Variants in JMJD1C observed in about 807,000 individuals in gnomAD.
JMJD1C encodes jumonji domain containing 1C.
A neutral mutation model predicts 245.3 loss-of-function variants in JMJD1C; 31 were observed. The observed-to-expected ratio is 0.13, with a 90% CI of 0.09 to 0.17. The LOEUF (loss-of-function observed/expected upper bound fraction) is 0.17, where lower values mean the gene tolerates loss of function less well. Ranked by LOEUF, JMJD1C falls within the 10% of genes least tolerant of loss-of-function variation. The pLI is 1.00. For missense variants in JMJD1C, 2,691 were observed against 3,000.2 expected (o/e 0.90, Z 2.41); for synonymous variants, 1,057 against 1,017.4 (o/e 1.04, Z -0.74).
At chr10:63,295,959 ATGTGTGTGTGTGTG>A (rs370590868) in intron 2 of JMJD1C, among the ~76,000 whole-genome samples, 8,481 of 89,574 alleles carry the variant, frequency 0.095, 783 homozygotes, top group Middle Eastern at 0.13. Flanking sequence ...ATACACGTAT[ATGTGTGTGTGTGTG>A]TGTGTGTGTG....
intron 2 of JMJD1C, among the ~76,000 whole-genome samples, chr10:63,338,668 G>A (rs532874315): frequency 1.4e-4 from 11 of 78,902 alleles, no homozygotes; most frequent in South Asian, 7.6e-4. Context: ...TTTTTTTTGA[G>A]ATAGAGTTTC....
At chr10:63,431,392 T>C (rs752712385) in intron 1 of JMJD1C, among the ~76,000 whole-genome samples, 7 of 152,210 alleles carry the variant, frequency 4.6e-5, no homozygotes, top group Non-Finnish European at 7.3e-5. Context: ...GGCACAGTTA[T>C]GGAAAATGAG....
intron 1 of JMJD1C, among the ~76,000 whole-genome samples, chr10:63,517,185 C>G (rs7082076): frequency 0.66 from 100,353 of 152,036 alleles, 36,026 homozygotes; most frequent in Non-Finnish European, 0.81. Flanking sequence ...ATAATTACAG[C>G]GATCAGACAT....
chr10:63,388,201 T>G (rs1437963475), intron 1 of JMJD1C, among the ~76,000 whole-genome samples: 1 of 152,110 alleles, frequency 6.6e-6, no homozygotes, highest in Non-Finnish European at 1.5e-5. Context: ...AAAATGTCAC[T>G]AAGTCAAAGA....
intron 2 of JMJD1C, among the ~76,000 whole-genome samples, chr10:63,292,993 G>A (rs186007957): frequency 2.0e-5 from 3 of 152,266 alleles, no homozygotes; most frequent in East Asian, 1.9e-4. Flanking sequence ...GCAGTGAGCC[G>A]AGATCATGCC....
intron 1 of JMJD1C, among the ~76,000 whole-genome samples, chr10:63,460,753 A>G (rs760880826): frequency 3.2e-4 from 48 of 152,216 alleles, no homozygotes; most frequent in Non-Finnish European, 5.7e-4. Flanking sequence ...ATACAGGAAA[A>G]TAGCCTGTAT....
intron 1 of JMJD1C, among the ~76,000 whole-genome samples, chr10:63,394,187 C>CAAAAAAA (rs35007475): frequency 1.2e-5 from 1 of 80,154 alleles, no homozygotes; most frequent in Non-Finnish European, 2.3e-5. Context: ...ACTCCGTCTC[C>CAAAAAAA]AAAAAAAAAA....
intron 23 of JMJD1C, 172 bp from the exon 24 acceptor site, chr10:63,176,645 C>A: frequency 1.7e-6 from 1 of 599,368 alleles, no homozygotes; most frequent in Non-Finnish European, 2.9e-6. Context: ...TTTGGAAAGC[C>A]AAAGAATATT....
In JMJD1C at chr10:63,435,841, G is replaced by A. The variant is rs557544728; in HGVS notation, c.168+29654C>T. 2.6e-5 allele frequency among the ~76,000 whole-genome samples: 4 copies of A among 152,356 alleles called. No individual in the cohort carries two copies. The East Asian group carries it at 7.7e-4, about 29-fold the overall frequency. ...TAGAACCCAGGAGGCAGAAGTTGCAGTGAGCCAAGATCGCACCACTGCACT... is the reference window on the plus strand; with the variant it reads ...TAGAACCCAGGAGGCAGAAGTTGCAATGAGCCAAGATCGCACCACTGCACT... On this transcript the variant is annotated intron_variant, in intron 1 of 25. Transcript: ENST00000399262.
At chr10:63,319,274 A>G (rs1340675969) in intron 2 of JMJD1C, among the ~76,000 whole-genome samples, 1 of 151,326 alleles carries the variant, frequency 6.6e-6, no homozygotes, top group Non-Finnish European at 1.5e-5. Context: ...AAAAAAAAAA[A>G]AAAAGCTAAT....
intron 1 of JMJD1C, among the ~76,000 whole-genome samples, chr10:63,381,816 A>T (rs1947241166): frequency 6.6e-6 from 1 of 152,202 alleles, no homozygotes; most frequent in Non-Finnish European, 1.5e-5. Flanking sequence ...CAATTTACAG[A>T]GTGTTGATCA....
chr10:63,470,914 T>C (rs1953471669), upstream of JMJD1C, among the ~76,000 whole-genome samples: 1 of 152,180 alleles, frequency 6.6e-6, no homozygotes, highest in African/African-American at 2.4e-5. Context: ...TGATTTTTAA[T>C]GATAAAAAAT....
At chr10:63,521,489 G>C in intron 1 of JMJD1C, 2 of 1,267,800 alleles carry the variant, frequency 1.6e-6, no homozygotes, top group South Asian at 2.0e-5. Flanking sequence ...TTGGCGGCCT[G>C]GTCCGCAGCG....
At position 63,486,641 on chromosome 10, in the gene JMJD1C, A is replaced by G. The variant is rs114874484; in HGVS notation, n.113+35097T>C. 9.1e-3 allele frequency among the ~76,000 whole-genome samples: 1,387 copies of G among 152,246 alleles called. 22 individuals are homozygous for G. Among genetic ancestry groups the G allele is most frequent in the African/African-American group, 0.032 (1,314 of 41,538 alleles). On this transcript the variant is annotated intron_variant and non_coding_transcript_variant, in intron 1 of 3. Transcript: ENST00000633035. ...CAAACCCACCCACTCCCTTAACTGCATATCACCCTGCAGTTACCATTCTGT... is the reference window on the plus strand; with the variant it reads ...CAAACCCACCCACTCCCTTAACTGCGTATCACCCTGCAGTTACCATTCTGT...
intron 1 of JMJD1C, among the ~76,000 whole-genome samples, chr10:63,452,858 G>A (rs998929066): frequency 2.6e-5 from 4 of 152,146 alleles, no homozygotes; most frequent in African/African-American, 9.7e-5. Flanking sequence ...ATGAAGGACA[G>A]GCAAATTCAC....
In JMJD1C at chr10:63,230,779, C is replaced by CCA. The variant is rs546200399; in HGVS notation, c.448-10797_448-10796insTG. Among the ~76,000 whole-genome samples, 41 of 150,426 alleles carry CCA rather than the reference C, an allele frequency of 2.7e-4. No individual in the cohort carries two copies. In the East Asian group the frequency reaches 3.2e-3, roughly 12 times the overall value. On this transcript the variant is annotated intron_variant, in intron 3 of 25. Transcript: ENST00000399262. Reference sequence around the variant, plus strand: ...GACAGAGTGAGACTGTCCCCCCCCCCAAAAAAAATAAATAAAAAATAAAAT... The same window carrying CCA: ...GACAGAGTGAGACTGTCCCCCCCCCCCAAAAAAAAATAAATAAAAAATAAAAT...
At chr10:63,477,553 C>CAAAAAAAAAA (rs34332584) in intron 1 of JMJD1C, among the ~76,000 whole-genome samples, 1 of 126,688 alleles carries the variant, frequency 7.9e-6, no homozygotes, top group Non-Finnish European at 1.7e-5. Flanking sequence ...ATCCATATGT[C>CAAAAAAAAAA]AAAAAAAAAA....
At chr10:63,264,524 C>T in intron 3 of JMJD1C, 127 bp downstream of exon 3, 1 of 551,724 alleles carries the variant, frequency 1.8e-6, no homozygotes, top group South Asian at 2.5e-5. Flanking sequence ...TGACTGCATT[C>T]ATTGGGTTTT....
intron 1 of JMJD1C, among the ~76,000 whole-genome samples, chr10:63,412,625 TTA>T (rs1422290288): frequency 6.6e-6 from 1 of 152,184 alleles, no homozygotes; most frequent in Admixed American, 6.5e-5. Flanking sequence ...TACTGCATCT[TTA>T]TGTTTGTTTA....
Sources: gnomAD v4.1 joint callset for allele counts (sites outside exome capture counted in the v4.1 genomes callset) on GRCh38, gnomAD v4.1.1 for gene constraint, MANE v1.5 for transcripts, NCBI Gene and HGNC (gene_info 2026-07-23, HGNC 2026-07-21) for gene names.